ZMAT4: variants seen among roughly 807,000 people sequenced by gnomAD.
The protein encoded by ZMAT4 is zinc finger matrin-type 4.
ZMAT4 carries 17 observed loss-of-function variants against 28.7 expected under a neutral mutation model. The ratio of observed to expected loss-of-function variants is 0.59; its 90% CI spans 0.41 to 0.89. The LOEUF (loss-of-function observed/expected upper bound fraction) is 0.89. Among genes scored for constraint, ZMAT4 ranks in the 40% least tolerant of loss-of-function variants. The probability of loss-of-function intolerance (pLI) is 0.00; values close to 1 mark genes in which losing one functional copy is unlikely to be tolerated. For missense variants in ZMAT4, 240 were observed against 283.8 expected (o/e 0.85, Z 1.11); for synonymous variants, 117 against 109.2 (o/e 1.07, Z -0.44).
intron 5 of ZMAT4, among the ~76,000 whole-genome samples, chr8:40,602,834 C>A (rs927040119): frequency 6.6e-6 from 1 of 152,018 alleles, no homozygotes; most frequent in Non-Finnish European, 1.5e-5. Flanking sequence ...GCATAGTGTG[C>A]GAAGATTTTC....
intron 1 of ZMAT4, among the ~76,000 whole-genome samples, chr8:40,861,883 C>G (rs1488463603): frequency 1.3e-5 from 2 of 152,096 alleles, no homozygotes; most frequent in Admixed American, 6.5e-5. Context: ...CCATCTCACA[C>G]CAGTTAGAAT....
In ZMAT4 at chr8:40,735,884, C is replaced by T. The variant is rs372506349; in HGVS notation, c.192+31757G>A. Reference sequence around the variant, plus strand: ...CCTTTTCCAGAGAAAGAAAGAGGCACGGGGAGTGGGAGTGACTTGTCCCAG... The same window carrying T: ...CCTTTTCCAGAGAAAGAAAGAGGCATGGGGAGTGGGAGTGACTTGTCCCAG... On this transcript the variant is annotated intron_variant, in intron 3 of 6. Transcript: ENST00000297737. 8.5e-4 allele frequency among the ~76,000 whole-genome samples: 130 copies of T among 152,064 alleles called. 1 individual carries two copies. The highest frequency in any genetic ancestry group is 3.0e-3 in the African/African-American group (125 of 41,436).
At chr8:40,721,440 C>T (rs1159033474) in intron 3 of ZMAT4, among the ~76,000 whole-genome samples, 22 of 145,322 alleles carry the variant, frequency 1.5e-4, no homozygotes, top group Non-Finnish European at 2.1e-4. Context: ...AATAAACATA[C>T]GTGTGCATGT....
chr8:40,562,773 A>C (rs544525459), intron 6 of ZMAT4, among the ~76,000 whole-genome samples: 68 of 152,158 alleles, frequency 4.5e-4, no homozygotes, highest in Non-Finnish European at 8.7e-4. Flanking sequence ...GCATTTAATC[A>C]GTTTGTTCTA....
intron 4 of ZMAT4, among the ~76,000 whole-genome samples, chr8:40,675,489 G>T (rs1342436499): frequency 2.0e-5 from 3 of 152,108 alleles, no homozygotes; most frequent in Non-Finnish European, 2.9e-5. Context: ...AATTATTTTT[G>T]TGTGTGTATA....
chr8:40,625,348 T>C (rs1806334247), intron 5 of ZMAT4, among the ~76,000 whole-genome samples: 1 of 152,092 alleles, frequency 6.6e-6, no homozygotes, highest in Non-Finnish European at 1.5e-5. Context: ...TGGAGATATT[T>C]GAGTAGAGGC....
chr8:40,626,029 G>A (rs1287493431), intron 5 of ZMAT4, among the ~76,000 whole-genome samples: 1 of 150,306 alleles, frequency 6.7e-6, no homozygotes, highest in African/African-American at 2.4e-5. Flanking sequence ...AGAATCGTTT[G>A]AACCCGGGAG....
chr8:40,654,698 T>C (rs1161713556), intron 5 of ZMAT4, among the ~76,000 whole-genome samples: 1 of 152,084 alleles, frequency 6.6e-6, no homozygotes, highest in Non-Finnish European at 1.5e-5. Context: ...AAATTAAAGA[T>C]AAAAATCGCC....
At chr8:40,852,292 C>A (rs1223227201) in intron 1 of ZMAT4, among the ~76,000 whole-genome samples, 2 of 152,096 alleles carry the variant, frequency 1.3e-5, no homozygotes, top group Non-Finnish European at 2.9e-5. Context: ...GAGCTTCCTG[C>A]AACTTTACTT....
At chr8:40,663,756 G>T (rs1271441211) in intron 5 of ZMAT4, among the ~76,000 whole-genome samples, 2 of 152,034 alleles carry the variant, frequency 1.3e-5, no homozygotes, top group Non-Finnish European at 1.5e-5. Flanking sequence ...TATTTTCTCT[G>T]GCACCTCTTC....
At chr8:40,822,857 T>A (rs1256046878) in intron 2 of ZMAT4, among the ~76,000 whole-genome samples, 1 of 152,220 alleles carries the variant, frequency 6.6e-6, no homozygotes. Context: ...CACTGTTAAT[T>A]GCAGATCTGT....
At chr8:40,599,195 T>C (rs1202786242) in intron 5 of ZMAT4, among the ~76,000 whole-genome samples, 1 of 152,198 alleles carries the variant, frequency 6.6e-6, no homozygotes, top group Non-Finnish European at 1.5e-5. Context: ...TCTGCCCTCC[T>C]ATACTACTTG....
chr8:40,720,995 T>C (rs528938481), intron 3 of ZMAT4, among the ~76,000 whole-genome samples: 1 of 152,146 alleles, frequency 6.6e-6, no homozygotes, highest in Admixed American at 6.5e-5. Flanking sequence ...TTTTTTATTA[T>C]ACTTTAAGTT....
chr8:40,696,302 A>T (rs1809881728), intron 4 of ZMAT4, among the ~76,000 whole-genome samples: 1 of 152,262 alleles, frequency 6.6e-6, no homozygotes, highest in Non-Finnish European at 1.5e-5. Flanking sequence ...TGGTAAGGAT[A>T]AAAGCCAAGC....
intron 2 of ZMAT4, among the ~76,000 whole-genome samples, chr8:40,797,200 C>T (rs1554558847): frequency 1.3e-5 from 2 of 152,196 alleles, no homozygotes; most frequent in Non-Finnish European, 1.5e-5. Context: ...GGCCTGTCCA[C>T]CACACCACAT....
In ZMAT4 at chr8:40,787,041, T is replaced by C. The variant is rs112982347; in HGVS notation, c.103-19311A>G. ...ATTGTAAAATGCTGACTAATATATG[T>C]TTCCTTAACTGTAAAATGTAAAGAT... On this transcript the variant is annotated intron_variant, in intron 2 of 6. Transcript: ENST00000297737. Among the ~76,000 whole-genome samples, 1,382 of 152,292 alleles carry C rather than the reference T, an allele frequency of 9.1e-3. 22 individuals are homozygous for C. The highest frequency in any genetic ancestry group is 0.032 in the African/African-American group (1,333 of 41,542).
intron 3 of ZMAT4, among the ~76,000 whole-genome samples, chr8:40,747,122 T>C (rs538944805): frequency 1.3e-5 from 2 of 152,320 alleles, no homozygotes; most frequent in East Asian, 3.9e-4. Context: ...CTTGGATTAA[T>C]GGTTTATAAA....
intron 5 of ZMAT4, among the ~76,000 whole-genome samples, chr8:40,594,483 T>C (rs1585730551): frequency 6.6e-6 from 1 of 152,342 alleles, no homozygotes; most frequent in Middle Eastern, 3.4e-3. Context: ...TAATTTCTCC[T>C]TTTTCATTCT....
chr8:40,851,134 C>G (rs1817088381), intron 1 of ZMAT4, among the ~76,000 whole-genome samples: 1 of 152,124 alleles, frequency 6.6e-6, no homozygotes, highest in Admixed American at 6.5e-5. Context: ...CGAGACCAGC[C>G]TGGCCAACAT....
Sources: gnomAD v4.1 joint callset for allele counts (sites outside exome capture counted in the v4.1 genomes callset) on GRCh38, gnomAD v4.1.1 for gene constraint, MANE v1.5 for transcripts, NCBI Gene and HGNC (gene_info 2026-07-23, HGNC 2026-07-21) for gene names.